Variants in ADGRL3 observed in about 807,000 individuals in gnomAD.
The protein encoded by ADGRL3 is adhesion G protein-coupled receptor L3.
ADGRL3 carries 62 observed loss-of-function variants against 153.5 expected under a neutral mutation model. That is an observed-to-expected ratio of 0.40 (90% CI 0.33 to 0.50). The LOEUF (loss-of-function observed/expected upper bound fraction) is 0.50, where lower values mean the gene tolerates loss of function less well. Among genes scored for constraint, ADGRL3 ranks in the 20% least tolerant of loss-of-function variants. The probability of loss-of-function intolerance (pLI) is 0.47; values close to 1 mark genes in which losing one functional copy is unlikely to be tolerated. For missense variants in ADGRL3, 1,641 were observed against 1,859.4 expected, an observed-to-expected ratio of 0.88 and a Z score of 2.16; for synonymous variants, 710 against 672.5, an observed-to-expected ratio of 1.06 and a Z score of -0.86.
At chr4:61,608,645 G>A (rs1299452668) in intron 5 of ADGRL3, among the ~76,000 whole-genome samples, 1 of 152,160 alleles carries the variant, frequency 6.6e-6, no homozygotes, top group Non-Finnish European at 1.5e-5. Context: ...GAATGAGGAA[G>A]TAAAATTTTC....
At chr4:61,305,958 A>G (rs964319442) in intron 1 of ADGRL3, among the ~76,000 whole-genome samples, 3 of 152,122 alleles carry the variant, frequency 2.0e-5, no homozygotes, top group Non-Finnish European at 2.9e-5. Flanking sequence ...TTGTCATGGC[A>G]CTGGTGGGGG....
intron 8 of ADGRL3, among the ~76,000 whole-genome samples, chr4:61,737,612 G>A (rs2096534396): frequency 6.6e-6 from 1 of 152,136 alleles, no homozygotes; most frequent in South Asian, 2.1e-4. Context: ...ATATTTTAAT[G>A]AGAAAATATA....
At chr4:61,724,276 A>G (rs1326473551) in intron 6 of ADGRL3, among the ~76,000 whole-genome samples, 3 of 152,248 alleles carry the variant, frequency 2.0e-5, no homozygotes, top group Admixed American at 1.3e-4. Context: ...TATTATTTTT[A>G]CTAAAGCTAT....
chr4:62,040,068 G>A lies in ADGRL3; in HGVS notation c.3717+2212G>A, dbSNP rs11736267. ...TTGTTTTGAATCCTGGCCTTGCCACGTACCAGCTATGACACAGAACAAGTT... is the reference window on the plus strand; with the variant it reads ...TTGTTTTGAATCCTGGCCTTGCCACATACCAGCTATGACACAGAACAAGTT... On this transcript the variant is annotated intron_variant, in intron 24 of 26. Coordinates refer to ENST00000683033, the MANE Select transcript of ADGRL3 (RefSeq NM_001387552.1). Among the ~76,000 whole-genome samples, 218 of 152,134 alleles carry A rather than the reference G, an allele frequency of 1.4e-3. 1 individual carries two copies. Among genetic ancestry groups the A allele is most frequent in the Admixed American group, 2.3e-3 (35 of 15,260 alleles).
At chr4:61,205,392 T>C (rs937623425) in intron 1 of ADGRL3, among the ~76,000 whole-genome samples, 5 of 152,166 alleles carry the variant, frequency 3.3e-5, no homozygotes, top group Non-Finnish European at 7.4e-5. Context: ...TAATTTAGCA[T>C]GGTGTGAATG....
intron 1 of ADGRL3, among the ~76,000 whole-genome samples, chr4:61,301,014 C>G (rs747836820): frequency 2.0e-5 from 3 of 152,114 alleles, no homozygotes; most frequent in African/African-American, 4.8e-5. Flanking sequence ...CCACCCGCCT[C>G]GGGCTCCGGA....
At chr4:61,229,637 G>T (rs550642753) in intron 1 of ADGRL3, among the ~76,000 whole-genome samples, 47 of 152,142 alleles carry the variant, frequency 3.1e-4, no homozygotes, top group African/African-American at 1.0e-3. Flanking sequence ...AAAACTTTAG[G>T]CTGGGCATGG....
chr4:62,011,954 G>A (rs1162398223), intron 21 of ADGRL3, among the ~76,000 whole-genome samples: 1 of 151,654 alleles, frequency 6.6e-6, no homozygotes, highest in Non-Finnish European at 1.5e-5. Flanking sequence ...TCCTAACATA[G>A]CTTTCTTTAA....
At chr4:61,879,206 G>T (rs2098494471) in intron 9 of ADGRL3, among the ~76,000 whole-genome samples, 1 of 152,130 alleles carries the variant, frequency 6.6e-6, no homozygotes, top group South Asian at 2.1e-4. Context: ...AACATATTGT[G>T]TGTCAGTATT....
chr4:61,923,640 C>A lies in ADGRL3; in HGVS notation c.2112+10883C>A, dbSNP rs564046770. ...TAGATTTGTTCTCCTTTCTCCTTCT[C>A]TTCATTCCAGTAACTTTGACATATG... On this transcript the variant is annotated intron_variant, in intron 13 of 26. Coordinates refer to ENST00000683033, the MANE Select transcript of ADGRL3 (RefSeq NM_001387552.1). Among the ~76,000 whole-genome samples, 10 of 152,286 alleles carry A rather than the reference C, an allele frequency of 6.6e-5. No individual in the cohort carries two copies. The South Asian group carries it at 2.1e-3, about 32-fold the overall frequency.
chr4:61,874,787 CTCTTTTTTTTTTTTTTT>C (rs2098464826), intron 9 of ADGRL3, among the ~76,000 whole-genome samples: 1 of 88,618 alleles, frequency 1.1e-5, no homozygotes, highest in Non-Finnish European at 2.2e-5. Flanking sequence ...CATCAAAATG[CTCTTTTTTTTTTTTTTT>C]TTTTTTTTTT....
chr4:61,356,193 A>C (rs1023540518), intron 1 of ADGRL3, among the ~76,000 whole-genome samples: 2 of 152,032 alleles, frequency 1.3e-5, no homozygotes, highest in Non-Finnish European at 2.9e-5. Flanking sequence ...ACTTACTCAG[A>C]TTACGCATCT....
chr4:61,601,954 T>C (rs1178531819), intron 5 of ADGRL3, among the ~76,000 whole-genome samples: 3 of 152,176 alleles, frequency 2.0e-5, no homozygotes, highest in African/African-American at 7.2e-5. Flanking sequence ...TTCTGCGTGA[T>C]TGTGAATATA....
At chr4:61,346,225 AC>A (rs1005246468) in intron 1 of ADGRL3, among the ~76,000 whole-genome samples, 3 of 151,478 alleles carry the variant, frequency 2.0e-5, no homozygotes, top group African/African-American at 7.3e-5. Context: ...ACTGGGTAAC[AC>A]GGTAACATAT....
intron 25 of ADGRL3, among the ~76,000 whole-genome samples, chr4:62,056,497 C>A (rs1050661267): frequency 6.6e-6 from 1 of 151,930 alleles, no homozygotes. Context: ...ATTTTACATG[C>A]AGTGTTAAGG....
chr4:61,979,852 G>T, intron 18 of ADGRL3, 80 bp downstream of exon 18: 1 of 1,162,488 alleles, frequency 8.6e-7, no homozygotes, highest in Non-Finnish European at 1.3e-6. Context: ...AAATACTTAT[G>T]TTTGAAAGTA....
intron 9 of ADGRL3, among the ~76,000 whole-genome samples, chr4:61,846,700 A>G (rs573387448): frequency 4.6e-5 from 7 of 152,130 alleles, no homozygotes; most frequent in South Asian, 2.1e-4. Context: ...TTGGCTCACA[A>G]TTCTGCAGGT....
chr4:61,988,112 G>T (rs1156377764), intron 19 of ADGRL3, among the ~76,000 whole-genome samples: 2 of 151,940 alleles, frequency 1.3e-5, no homozygotes, highest in Non-Finnish European at 2.9e-5. Context: ...TAGGGCTATT[G>T]AATTTATTAT....
In ADGRL3 at chr4:62,072,991, T is replaced by A. The variant is rs1220480242; in HGVS notation, c.*2083T>A. On this transcript the variant is annotated 3_prime_UTR_variant, in exon 27 of 27. Coordinates refer to ENST00000683033, the MANE Select transcript of ADGRL3 (RefSeq NM_001387552.1). ...ATAAAGAAGTTCTTTCAAAGAAACT[T>A]TCTAGATCTCTCATTACTGCAGATC... 6.6e-6 allele frequency: 1 copy of A among 152,156 alleles called. No individual in the cohort carries two copies. The highest frequency in any genetic ancestry group is 1.5e-5 in the Non-Finnish European group (1 of 68,000). The allele number at this position is 152,156 out of a possible 1,614,324, so 9.4% of individuals were successfully genotyped here. A position where few individuals can be genotyped will look rare whatever the true frequency, so the allele number is the denominator to read the frequency against.
Sources: gnomAD v4.1 joint callset for allele counts (sites outside exome capture counted in the v4.1 genomes callset) on GRCh38, gnomAD v4.1.1 for gene constraint, MANE v1.5 for transcripts, NCBI Gene and HGNC (gene_info 2026-07-23, HGNC 2026-07-21) for gene names.